Variants in SH3RF3 observed in about 807,000 individuals in gnomAD.
SH3RF3 encodes SH3 domain containing ring finger 3.
Under a neutral mutation model 66.3 loss-of-function variants are expected in SH3RF3, and 29 were observed. That is an observed-to-expected ratio of 0.44 (90% CI 0.33 to 0.60). The LOEUF (loss-of-function observed/expected upper bound fraction) is 0.60. SH3RF3 is among the 20% of genes least tolerant of loss of function. The pLI is 0.04. For missense variants in SH3RF3, 1,194 were observed against 1,190.9 expected (o/e 1.00, Z -0.04); for synonymous variants, 583 against 532.0 (o/e 1.10, Z -1.32).
intron 1 of SH3RF3, among the ~76,000 whole-genome samples, chr2:109,256,579 C>G (rs1280718902): frequency 6.6e-6 from 1 of 152,158 alleles, no homozygotes; most frequent in African/African-American, 2.4e-5. Flanking sequence ...AGCCCTTTTG[C>G]TAGGTGCACT....
At chr2:109,190,360 G>A (rs545172344) in intron 1 of SH3RF3, among the ~76,000 whole-genome samples, 2 of 152,346 alleles carry the variant, frequency 1.3e-5, no homozygotes, top group African/African-American at 4.8e-5. Context: ...TTGTAGTAGA[G>A]ATGGGGTTTC....
At chr2:109,336,506 G>A (rs543579207) in intron 1 of SH3RF3, among the ~76,000 whole-genome samples, 23 of 152,240 alleles carry the variant, frequency 1.5e-4, no homozygotes, top group African/African-American at 5.1e-4. Flanking sequence ...CTGAGGACTC[G>A]CTGTGAGGCC....
intron 1 of SH3RF3, among the ~76,000 whole-genome samples, chr2:109,218,113 G>A (rs1310596315): frequency 6.6e-6 from 1 of 151,548 alleles, no homozygotes; most frequent in Non-Finnish European, 1.5e-5. Context: ...TGGAAACTGA[G>A]TAGAGACAGA....
chr2:109,226,658 C>T lies in SH3RF3; in HGVS notation c.573+96545C>T, dbSNP rs144514161. Among the ~76,000 whole-genome samples the T allele has an allele frequency of 7.2e-4, 109 of 152,258 alleles. 1 individual carries two copies. In the South Asian group the frequency reaches 9.3e-3, roughly 13 times the overall value. ...CTTGGTCTGCCATCTTGACTTCTCC[C>T]GGGGCCATGCATCTGCTCCCTTTGT... On this transcript the variant is annotated intron_variant, in intron 1 of 9. Transcript: ENST00000309415.
At chr2:109,292,484 G>T (rs373965821) in intron 1 of SH3RF3, among the ~76,000 whole-genome samples, 2 of 152,130 alleles carry the variant, frequency 1.3e-5, no homozygotes, top group East Asian at 1.9e-4. Context: ...AAATCATTGC[G>T]CATATTTCCC....
At chr2:109,222,647 T>C (rs1679282369) in intron 1 of SH3RF3, among the ~76,000 whole-genome samples, 1 of 152,210 alleles carries the variant, frequency 6.6e-6, no homozygotes, top group South Asian at 2.1e-4. Context: ...CCTGGTGGCC[T>C]ATGCTGGCCC....
chr2:109,270,527 C>T (rs1227043936), intron 1 of SH3RF3, among the ~76,000 whole-genome samples: 2 of 152,164 alleles, frequency 1.3e-5, no homozygotes, highest in Non-Finnish European at 2.9e-5. Flanking sequence ...TAGAACCCAT[C>T]CATTCCTCTG....
At chr2:109,494,122 C>G (rs1299669122) in intron 9 of SH3RF3, among the ~76,000 whole-genome samples, 1 of 152,140 alleles carries the variant, frequency 6.6e-6, no homozygotes, top group Non-Finnish European at 1.5e-5. Flanking sequence ...TTCCCCAGAC[C>G]CCTCAACTTT....
At chr2:109,200,497 G>T (rs928605230) in intron 1 of SH3RF3, among the ~76,000 whole-genome samples, 2 of 152,090 alleles carry the variant, frequency 1.3e-5, no homozygotes, top group Non-Finnish European at 2.9e-5. Flanking sequence ...GTCCTGCTCA[G>T]TCGGCGGGTC....
chr2:109,175,144 G>A (rs937612355), intron 1 of SH3RF3, among the ~76,000 whole-genome samples: 6 of 152,028 alleles, frequency 3.9e-5, no homozygotes, highest in Non-Finnish European at 8.8e-5. Context: ...CCACTAAACC[G>A]GGACCTAGTC....
intron 1 of SH3RF3, among the ~76,000 whole-genome samples, chr2:109,263,901 G>A (rs1022479371): frequency 2.0e-5 from 3 of 152,164 alleles, no homozygotes; most frequent in East Asian, 1.9e-4. Context: ...CCCAGGAGAC[G>A]GAGCTTGCAG....
chr2:109,132,230 C>G (rs1246347308), intron 1 of SH3RF3, among the ~76,000 whole-genome samples: 1 of 152,144 alleles, frequency 6.6e-6, no homozygotes, highest in East Asian at 1.9e-4. Context: ...CTTACATCTT[C>G]TTTTGGGCCA....
chr2:109,231,050 C>T (rs1021372015), intron 1 of SH3RF3, among the ~76,000 whole-genome samples: 10 of 152,368 alleles, frequency 6.6e-5, no homozygotes, highest in African/African-American at 2.4e-4. Context: ...ACGGACAGAG[C>T]AGCAGAGTTG....
intron 1 of SH3RF3, among the ~76,000 whole-genome samples, chr2:109,347,278 G>A (rs542727725): frequency 1.1e-4 from 16 of 152,258 alleles, no homozygotes; most frequent in African/African-American, 3.9e-4. Flanking sequence ...AGACCTCCTG[G>A]GTTCAGATTC....
In SH3RF3 at chr2:109,389,889, G is replaced by A. The variant is rs116260600; in HGVS notation, c.946-8701G>A. Among the ~76,000 whole-genome samples the A allele has an allele frequency of 6.2e-3, 942 of 152,270 alleles. 8 individuals are homozygous for A. The highest frequency in any genetic ancestry group is 0.011 in the Non-Finnish European group (742 of 68,026). ...TGGGCTGTGGCTGGGCCGGCCCTGGGAGCTCTTTGGGTGGAGCGGCCATCT... is the reference window on the plus strand; with the variant it reads ...TGGGCTGTGGCTGGGCCGGCCCTGGAAGCTCTTTGGGTGGAGCGGCCATCT... On this transcript the variant is annotated intron_variant, in intron 3 of 9. Coordinates refer to ENST00000309415, the MANE Select transcript of SH3RF3 (RefSeq NM_001099289.3).
chr2:109,145,361 A>G (rs949831192), intron 1 of SH3RF3, among the ~76,000 whole-genome samples: 8 of 152,114 alleles, frequency 5.3e-5, no homozygotes, highest in African/African-American at 1.7e-4. Context: ...GGCCCTGCTC[A>G]TGACCCTGTG....
intron 8 of SH3RF3, among the ~76,000 whole-genome samples, chr2:109,461,418 G>A (rs1199876991): frequency 6.6e-6 from 1 of 151,226 alleles, no homozygotes; most frequent in African/African-American, 2.4e-5. Flanking sequence ...GCCCCACGTA[G>A]CATCCCTGTC....
chr2:109,435,775 A>G (rs994668009), intron 6 of SH3RF3, among the ~76,000 whole-genome samples: 3 of 152,222 alleles, frequency 2.0e-5, no homozygotes, highest in Non-Finnish European at 4.4e-5. Flanking sequence ...TTTAGTTTTT[A>G]AAAATGATTT....
At chr2:109,260,943 G>A (rs1680338824) in intron 1 of SH3RF3, among the ~76,000 whole-genome samples, 1 of 152,202 alleles carries the variant, frequency 6.6e-6, no homozygotes, top group Non-Finnish European at 1.5e-5. Flanking sequence ...TTTACAAGCA[G>A]TGAGGCTGGA....
Sources: allele counts gnomAD v4.1 joint callset (sites outside exome capture counted in the v4.1 genomes callset), GRCh38; gene constraint gnomAD v4.1.1; transcripts MANE v1.5; gene names NCBI Gene and HGNC (gene_info 2026-07-23, HGNC 2026-07-21).